Variants in SSBP2 observed in about 807,000 individuals in gnomAD.
SSBP2 encodes the protein single stranded DNA binding protein 2, also known as single-stranded DNA-binding protein 2.
SSBP2 carries 17 observed loss-of-function variants against 61.8 expected under a neutral mutation model. That is an observed-to-expected ratio of 0.28 (90% CI 0.19 to 0.41). The LOEUF (loss-of-function observed/expected upper bound fraction) is 0.41. Among genes scored for constraint, SSBP2 ranks in the 10% least tolerant of loss-of-function variants. The pLI is 1.00. For synonymous variants in SSBP2, 139 were observed against 141.3 expected (o/e 0.98, Z 0.12); for missense variants, 310 against 458.7 (o/e 0.68, Z 2.96).
chr5:81,567,176 G>A (rs991848068), intron 4 of SSBP2, among the ~76,000 whole-genome samples: 13 of 152,184 alleles, frequency 8.5e-5, no homozygotes, highest in African/African-American at 3.1e-4. Context: ...ACATGTCAAA[G>A]GTCTTCATGG....
At chr5:81,592,600 C>T (rs1452717332) in intron 4 of SSBP2, among the ~76,000 whole-genome samples, 3 of 152,156 alleles carry the variant, frequency 2.0e-5, no homozygotes, top group South Asian at 4.1e-4. Context: ...CTAGTAGGGG[C>T]GGACTGACAC....
At chr5:81,583,473 C>CA (rs971390421) in intron 4 of SSBP2, among the ~76,000 whole-genome samples, 1 of 151,334 alleles carries the variant, frequency 6.6e-6, no homozygotes, top group African/African-American at 2.4e-5. Context: ...ACTAAAAATG[C>CA]AAAAAAATTA....
At chr5:81,573,893 C>A (rs1381614493) in intron 4 of SSBP2, among the ~76,000 whole-genome samples, 1 of 152,158 alleles carries the variant, frequency 6.6e-6, no homozygotes, top group Admixed American at 6.5e-5. Flanking sequence ...GTAATCCCAG[C>A]ACTTTGGGAG....
Position 81,415,767 on chromosome 5 carries a change from C to G in SSBP2, c.*4737G>C, listed in dbSNP as rs1761281696. 6.6e-6 allele frequency: 1 copy of G among 151,686 alleles called. No individual in the cohort carries two copies. The highest frequency in any genetic ancestry group is 1.5e-5 in the Non-Finnish European group (1 of 68,092). 9.4% of individuals were successfully genotyped at this position (151,686 alleles called of 1,614,324 possible). A position where few individuals can be genotyped will look rare whatever the true frequency, so the allele number is the denominator to read the frequency against. ...CTCTACTAAAAATACAAAAAATTAG[C>G]TGGGCATGGTGGTGAGCACCTGTAG... On this transcript the variant is annotated 3_prime_UTR_variant, in exon 17 of 17. Coordinates refer to ENST00000320672, the MANE Select transcript of SSBP2 (RefSeq NM_012446.5).
chr5:81,682,713 A>G (rs1327790715), intron 1 of SSBP2, among the ~76,000 whole-genome samples: 3 of 152,144 alleles, frequency 2.0e-5, no homozygotes, highest in African/African-American at 7.2e-5. Context: ...AACAGATTGA[A>G]AAGATCAAAC....
At chr5:81,446,005 C>T (rs1005354730) in intron 12 of SSBP2, among the ~76,000 whole-genome samples, 1 of 152,092 alleles carries the variant, frequency 6.6e-6, no homozygotes, top group Non-Finnish European at 1.5e-5. Flanking sequence ...CTAACCTACA[C>T]CTTAAACATT....
chr5:81,558,600 A>G (rs1392649057), intron 4 of SSBP2, among the ~76,000 whole-genome samples: 1 of 152,246 alleles, frequency 6.6e-6, no homozygotes, highest in Non-Finnish European at 1.5e-5. Context: ...CAATGCCTCA[A>G]GATGAACTAT....
intron 16 of SSBP2, among the ~76,000 whole-genome samples, chr5:81,421,789 T>C (rs1006198625): frequency 7.9e-5 from 12 of 152,156 alleles, no homozygotes; most frequent in Non-Finnish European, 1.8e-4. Context: ...CTGTCCAACT[T>C]GGAGGTCACT....
At chr5:81,679,198 G>A (rs759503225) in intron 1 of SSBP2, among the ~76,000 whole-genome samples, 4 of 152,074 alleles carry the variant, frequency 2.6e-5, no homozygotes, top group African/African-American at 7.2e-5. Context: ...TAGTAGAGAC[G>A]GGGTTTTGCC....
chr5:81,438,602 A>G (rs1337531162), intron 14 of SSBP2, among the ~76,000 whole-genome samples: 3 of 152,166 alleles, frequency 2.0e-5, no homozygotes, highest in South Asian at 2.1e-4. Flanking sequence ...GCAATCATAT[A>G]TATGTGTATA....
chr5:81,427,203 T>C (rs913903137), intron 16 of SSBP2, among the ~76,000 whole-genome samples: 6 of 152,202 alleles, frequency 3.9e-5, no homozygotes, highest in Admixed American at 6.5e-5. Flanking sequence ...AATTTGTCCA[T>C]AGTTTTGAAG....
chr5:81,748,612 C>G (rs1425601799), intron 1 of SSBP2, among the ~76,000 whole-genome samples: 1 of 152,208 alleles, frequency 6.6e-6, no homozygotes, highest in Non-Finnish European at 1.5e-5. Context: ...CAGTCATTGT[C>G]AATTCTCCAA....
intron 1 of SSBP2, among the ~76,000 whole-genome samples, chr5:81,732,385 C>A (rs567356270): frequency 4.6e-5 from 7 of 152,106 alleles, no homozygotes; most frequent in African/African-American, 1.7e-4. Context: ...AATAGTAACA[C>A]TAATGCACTC....
At chr5:81,487,739 T>C (rs1766487337) in intron 6 of SSBP2, among the ~76,000 whole-genome samples, 1 of 151,598 alleles carries the variant, frequency 6.6e-6, no homozygotes, top group African/African-American at 2.4e-5. Flanking sequence ...CCATTACCAC[T>C]CATGCTTTAT....
At chr5:81,585,006 A>G (rs1774955492) in intron 4 of SSBP2, among the ~76,000 whole-genome samples, 1 of 152,166 alleles carries the variant, frequency 6.6e-6, no homozygotes, top group African/African-American at 2.4e-5. Flanking sequence ...CATAATAGTC[A>G]TATTTCATAT....
chr5:81,440,546 G>GA lies in SSBP2; in HGVS notation c.928+11dup. The GA allele has an allele frequency of 6.2e-7, 1 of 1,608,060 alleles. No individual in the cohort carries two copies. The highest frequency in any genetic ancestry group is 2.2e-5 in the East Asian group (1 of 44,790). ...ATGAATTTATTCTAAACATCAAATT[G>GA]AAAAGCCTTACCTAAAGAGCCATTC... On this transcript the variant is annotated intron_variant, in intron 14 of 16. Transcript: ENST00000320672.
chr5:81,512,876 G>A (rs1233009850), intron 5 of SSBP2, among the ~76,000 whole-genome samples: 5 of 151,892 alleles, frequency 3.3e-5, no homozygotes, highest in Non-Finnish European at 5.9e-5. Flanking sequence ...AATGCCTTTC[G>A]ACTCTAGTTC....
In SSBP2 at chr5:81,514,412, A is replaced by C. The variant is rs182377778; in HGVS notation, c.283-695T>G. On this transcript the variant is annotated intron_variant, in intron 4 of 16. Transcript: ENST00000320672. ...ATTTCATGGAATCCTGGTATTTCAT[A>C]AAATAGGAGTATGAAAAACTTTGGG... is the stretch of plus-strand genomic sequence containing the variant. Among the ~76,000 whole-genome samples, 53 of 152,234 alleles carry C rather than the reference A, an allele frequency of 3.5e-4. No homozygotes were observed. The East Asian group carries it at 0.01, about 29-fold the overall frequency.
At chr5:81,509,732 T>G (rs1241032239) in intron 5 of SSBP2, among the ~76,000 whole-genome samples, 1 of 152,204 alleles carries the variant, frequency 6.6e-6, no homozygotes, top group Non-Finnish European at 1.5e-5. Context: ...AAATGACTTG[T>G]GTATCAAATT....
Sources: allele counts gnomAD v4.1 joint callset (sites outside exome capture counted in the v4.1 genomes callset), GRCh38; gene constraint gnomAD v4.1.1; transcripts MANE v1.5; gene names NCBI Gene and HGNC (gene_info 2026-07-23, HGNC 2026-07-21).